Variants in CSMD1 observed in about 807,000 individuals in gnomAD.
The protein encoded by CSMD1 is CUB and Sushi multiple domains 1, also known as CUB and sushi domain-containing protein 1.
Under a neutral mutation model 417.5 loss-of-function variants are expected in CSMD1, and 213 were observed. The observed-to-expected ratio is 0.51, with a 90% CI of 0.46 to 0.57. The LOEUF is 0.57. Ranked by LOEUF, CSMD1 falls within the 20% of genes least tolerant of loss-of-function variation. The pLI is 0.00. For synonymous variants in CSMD1, 2,862 were observed against 1,736.8 expected (o/e 1.65, Z -16.11); for missense variants, 6,923 against 4,529.7 (o/e 1.53, Z -15.17).
intron 5 of CSMD1, among the ~76,000 whole-genome samples, chr8:3,841,176 T>C (rs1803109270): frequency 6.6e-6 from 1 of 152,170 alleles, no homozygotes; most frequent in Non-Finnish European, 1.5e-5. Flanking sequence ...AATTGTGTTT[T>C]TATGTATGTA....
intron 5 of CSMD1, among the ~76,000 whole-genome samples, chr8:3,864,886 G>C (rs575742259): frequency 9.6e-4 from 146 of 152,220 alleles, no homozygotes; most frequent in African/African-American, 3.4e-3. Context: ...TAATTTCTTT[G>C]TATACTTAGT....
intron 1 of CSMD1, among the ~76,000 whole-genome samples, chr8:4,791,320 T>G (rs555223924): frequency 5.9e-5 from 9 of 152,310 alleles, no homozygotes; most frequent in Non-Finnish European, 1.2e-4. Context: ...TTCTTACTAC[T>G]TCTTGGTGTG....
intron 5 of CSMD1, among the ~76,000 whole-genome samples, chr8:3,915,960 G>C (rs1808793974): frequency 6.6e-6 from 1 of 151,178 alleles, no homozygotes; most frequent in South Asian, 2.1e-4. Flanking sequence ...TAGGTAAACG[G>C]ACTGGAAGCA....
At chr8:4,366,515 G>A (rs566184809) in intron 3 of CSMD1, among the ~76,000 whole-genome samples, 2 of 152,126 alleles carry the variant, frequency 1.3e-5, no homozygotes, top group East Asian at 1.9e-4. Flanking sequence ...GTTTTCCACA[G>A]TAGCTTAATT....
intron 1 of CSMD1, among the ~76,000 whole-genome samples, chr8:4,645,651 G>C (rs1054228766): frequency 1.3e-5 from 2 of 152,050 alleles, no homozygotes; most frequent in Admixed American, 6.6e-5. Flanking sequence ...GTCGAAGGTA[G>C]GAAGCAGGGG....
intron 6 of CSMD1, among the ~76,000 whole-genome samples, chr8:3,722,394 A>G (rs1802234540): frequency 6.6e-6 from 1 of 152,244 alleles, no homozygotes; most frequent in South Asian, 2.1e-4. Flanking sequence ...TTGAAAGCAC[A>G]GTAGCTAAGA....
chr8:3,671,939 A>G (rs1324063785), intron 7 of CSMD1, among the ~76,000 whole-genome samples: 1 of 152,156 alleles, frequency 6.6e-6, no homozygotes, highest in Non-Finnish European at 1.5e-5. Context: ...CATTTTTGAA[A>G]GAAAGTTTTC....
intron 7 of CSMD1, among the ~76,000 whole-genome samples, chr8:3,659,059 G>T (rs955692198): frequency 6.6e-6 from 1 of 152,128 alleles, no homozygotes; most frequent in South Asian, 2.1e-4. Flanking sequence ...GCATCTACTT[G>T]AAATTAGTTC....
At position 4,250,629 on chromosome 8, in the gene CSMD1, C is replaced by G. The variant is rs112037015; in HGVS notation, c.415+169324G>C. On this transcript the variant is annotated intron_variant, in intron 3 of 69. Transcript: ENST00000635120. ...GGTCTACCAAAATAGTACAGCAGTT[C>G]CTTCCACACTGTATTAGATACTATT... is the stretch of plus-strand genomic sequence containing the variant. Among the ~76,000 whole-genome samples the G allele has an allele frequency of 2.9e-3, 435 of 152,278 alleles. 3 individuals are homozygous for G. The highest frequency in any genetic ancestry group is 0.01 in the African/African-American group (417 of 41,546).
intron 52 of CSMD1, among the ~76,000 whole-genome samples, chr8:3,005,647 A>G (rs1807826691): frequency 6.6e-6 from 1 of 152,252 alleles, no homozygotes; most frequent in Admixed American, 6.5e-5. Context: ...AATCCAGCAT[A>G]TAAACAGAGC....
At chr8:4,577,030 ATTTC>A (rs1462714370) in intron 2 of CSMD1, among the ~76,000 whole-genome samples, 1 of 152,082 alleles carries the variant, frequency 6.6e-6, no homozygotes, top group Non-Finnish European at 1.5e-5. Context: ...TTGAATTTTT[ATTTC>A]TTTAATATTG....
intron 26 of CSMD1, among the ~76,000 whole-genome samples, chr8:3,240,383 G>T (rs1234209360): frequency 6.6e-6 from 1 of 151,868 alleles, no homozygotes; most frequent in Admixed American, 6.6e-5. Context: ...GGCAAAACCA[G>T]GTATCTAAAG....
intron 3 of CSMD1, among the ~76,000 whole-genome samples, chr8:4,156,325 C>T (rs1563198526): frequency 6.6e-6 from 1 of 152,040 alleles, no homozygotes; most frequent in Admixed American, 6.6e-5. Flanking sequence ...TCTGAACGGC[C>T]GTGCAAAGTT....
intron 7 of CSMD1, among the ~76,000 whole-genome samples, chr8:3,701,159 G>A (rs1800843452): frequency 1.3e-5 from 2 of 152,050 alleles, no homozygotes; most frequent in African/African-American, 2.4e-5. Flanking sequence ...AGACATCAAC[G>A]TGACTCCCAA....
At chr8:4,402,341 TC>T (rs1331048665) in intron 3 of CSMD1, among the ~76,000 whole-genome samples, 1 of 151,822 alleles carries the variant, frequency 6.6e-6, no homozygotes, top group Non-Finnish European at 1.5e-5. Context: ...ATCATCACAC[TC>T]CTTCCCCTGA....
intron 3 of CSMD1, among the ~76,000 whole-genome samples, chr8:4,137,427 T>G (rs945593119): frequency 1.5e-5 from 2 of 134,098 alleles, no homozygotes; most frequent in African/African-American, 4.9e-5. Flanking sequence ...TGTTTAATAA[T>G]GAAATTAAAT....
chr8:4,323,480 A>T (rs550044682), intron 3 of CSMD1, among the ~76,000 whole-genome samples: 15 of 90,988 alleles, frequency 1.6e-4, no homozygotes, highest in African/African-American at 9.4e-4. Flanking sequence ...TAATGGGACT[A>T]GGGCTTTCTC....
In CSMD1 at chr8:3,812,373, G is replaced by C. The variant is rs527886680; in HGVS notation, c.819-58331C>G. Among the ~76,000 whole-genome samples, 73 of 152,276 alleles carry C rather than the reference G, an allele frequency of 4.8e-4. No individual in the cohort carries two copies. In the South Asian group the frequency reaches 0.015, roughly 31 times the overall value. ...TTGTCCTCAGCCTCTATACCAGGTA[G>C]TGAGATACTTAAATGCAGGGAAATT... On this transcript the variant is annotated intron_variant, in intron 5 of 69. Coordinates refer to ENST00000635120, the MANE Select transcript of CSMD1 (RefSeq NM_033225.6).
intron 49 of CSMD1, 72 bp downstream of exon 49, chr8:3,087,025 T>C (rs1814578583): frequency 7.5e-7 from 1 of 1,338,024 alleles, no homozygotes; most frequent in African/African-American, 1.4e-5. Context: ...GTGCTTCATT[T>C]ATTTTCAGAG....
Sources: allele counts gnomAD v4.1 joint callset (sites outside exome capture counted in the v4.1 genomes callset), GRCh38; gene constraint gnomAD v4.1.1; transcripts MANE v1.5; gene names NCBI Gene and HGNC (gene_info 2026-07-23, HGNC 2026-07-21).